The following LRP1B variants were observed in gnomAD, a reference collection of about 807,000 sequenced individuals.
The protein encoded by LRP1B is low-density lipoprotein receptor-related protein 1B.
In LRP1B, 217 loss-of-function variants were observed where a neutral mutation model predicts 556.6. That is an observed-to-expected ratio of 0.39 (90% CI 0.35 to 0.44). The LOEUF (loss-of-function observed/expected upper bound fraction) is 0.44. Among genes scored for constraint, LRP1B ranks in the 20% least tolerant of loss-of-function variants. The pLI, the probability that LRP1B is intolerant of heterozygous loss-of-function variation, is 1.00. For synonymous variants in LRP1B, 2,047 were observed against 1,865.8 expected (o/e 1.10, Z -2.50); for missense variants, 5,053 against 5,620.8 (o/e 0.90, Z 3.23).
At chr2:141,125,877 A>T (rs1184067301) in intron 7 of LRP1B, among the ~76,000 whole-genome samples, 1 of 145,178 alleles carries the variant, frequency 6.9e-6, no homozygotes, top group Admixed American at 7.0e-5. Context: ...AACCTCCACT[A>T]AGCCTTTTAA....
At chr2:141,084,273 T>C (rs1699993555) in intron 7 of LRP1B, among the ~76,000 whole-genome samples, 1 of 152,212 alleles carries the variant, frequency 6.6e-6, no homozygotes, top group African/African-American at 2.4e-5. Flanking sequence ...AAAATGATTG[T>C]ACCTTTTGAT....
At chr2:140,312,491 G>A (rs578174502) in intron 83 of LRP1B, among the ~76,000 whole-genome samples, 3 of 151,988 alleles carry the variant, frequency 2.0e-5, no homozygotes, top group African/African-American at 7.2e-5. Flanking sequence ...TAAAAGTAAA[G>A]ATTAAGTGTA....
At chr2:141,142,995 C>A (rs766095721) in intron 7 of LRP1B, among the ~76,000 whole-genome samples, 6 of 140,730 alleles carry the variant, frequency 4.3e-5, no homozygotes, top group Middle Eastern at 4.1e-3. Flanking sequence ...ATGGCGCGAT[C>A]TCGGCTCACT....
chr2:140,736,541 T>C (rs1687952088), intron 35 of LRP1B, among the ~76,000 whole-genome samples: 1 of 151,984 alleles, frequency 6.6e-6, no homozygotes, highest in African/African-American at 2.4e-5. Flanking sequence ...TATAGACCAA[T>C]GGAATAGAAC....
At chr2:141,474,045 T>C (rs879747783) in intron 3 of LRP1B, among the ~76,000 whole-genome samples, 47,886 of 109,730 alleles carry the variant, frequency 0.44, 9,626 homozygotes, top group Non-Finnish European at 0.48. Context: ...CCTTCCTTCC[T>C]TTCCTTCCTT....
At chr2:141,041,717 C>T (rs1698705565) in intron 11 of LRP1B, among the ~76,000 whole-genome samples, 1 of 152,044 alleles carries the variant, frequency 6.6e-6, no homozygotes, top group Non-Finnish European at 1.5e-5. Context: ...GTTTTCAAAA[C>T]ATTACAAAGA....
At chr2:141,835,354 T>C (rs1697243527) in intron 1 of LRP1B, among the ~76,000 whole-genome samples, 1 of 151,958 alleles carries the variant, frequency 6.6e-6, no homozygotes, top group African/African-American at 2.4e-5. Flanking sequence ...CCCGAATCAG[T>C]TCCACTATCA....
intron 2 of LRP1B, among the ~76,000 whole-genome samples, chr2:141,651,015 AT>A (rs1689768244): frequency 6.6e-6 from 1 of 152,228 alleles, no homozygotes; most frequent in Admixed American, 6.5e-5. Context: ...TTTAAATAAT[AT>A]TAATCGTTCA....
At chr2:141,539,091 A>G (rs897381783) in intron 2 of LRP1B, among the ~76,000 whole-genome samples, 3 of 152,172 alleles carry the variant, frequency 2.0e-5, no homozygotes, top group Non-Finnish European at 4.4e-5. Context: ...AATTTCATCA[A>G]ATCAGCTGAC....
chr2:141,844,693 G>A (rs1697584892), intron 1 of LRP1B, among the ~76,000 whole-genome samples: 2 of 151,992 alleles, frequency 1.3e-5, no homozygotes, highest in South Asian at 4.1e-4. Flanking sequence ...AGAACATTTT[G>A]TGTTCAAATA....
At position 140,378,160 on chromosome 2, in the gene LRP1B, G is replaced by C. The variant is rs2105182646; in HGVS notation, c.10638+20C>G. On this transcript the variant is annotated intron_variant, in intron 68 of 90. Coordinates refer to ENST00000389484, the MANE Select transcript of LRP1B (RefSeq NM_018557.3). ...GGTTCTAAAGCGCTGCTTTCTTTTT[G>C]ATTTTACAAAGATGCCTACCTCATC... The C allele has an allele frequency of 6.5e-7, 1 of 1,535,710 alleles. No individual in the cohort carries two copies. The highest frequency in any genetic ancestry group is 9.0e-7 in the Non-Finnish European group (1 of 1,116,592).
chr2:141,357,806 G>T (rs1688680400), intron 3 of LRP1B, among the ~76,000 whole-genome samples: 1 of 151,954 alleles, frequency 6.6e-6, no homozygotes. Context: ...TATATTTTTT[G>T]GTTCATTAAT....
At chr2:142,074,238 A>C (rs1289267263) in intron 1 of LRP1B, among the ~76,000 whole-genome samples, 1 of 151,994 alleles carries the variant, frequency 6.6e-6, no homozygotes, top group Non-Finnish European at 1.5e-5. Flanking sequence ...AATACTGGCA[A>C]GTTTTATTAC....
In LRP1B at chr2:141,681,161, C is replaced by T. The variant is rs1167873903; in HGVS notation, c.205+129118G>A. Among the ~76,000 whole-genome samples the T allele has an allele frequency of 2.0e-5, 3 of 152,018 alleles. No homozygotes were observed. The East Asian group carries it at 5.8e-4, about 30-fold the overall frequency. On this transcript the variant is annotated intron_variant, in intron 2 of 90. Transcript: ENST00000389484. Reference sequence around the variant, plus strand: ...ACAAAAAGTTATCCAGGTGTGGTGGCATTCGCCTATAGTCCCAGCTCCTTG... The same window carrying T: ...ACAAAAAGTTATCCAGGTGTGGTGGTATTCGCCTATAGTCCCAGCTCCTTG...
intron 53 of LRP1B, among the ~76,000 whole-genome samples, chr2:140,505,096 G>C (rs1278085350): frequency 6.6e-6 from 1 of 151,860 alleles, no homozygotes; most frequent in African/African-American, 2.4e-5. Flanking sequence ...GCTATTCCTC[G>C]ACCATCTCAA....
intron 2 of LRP1B, among the ~76,000 whole-genome samples, chr2:141,644,740 C>CACAA (rs982401300): frequency 1.4e-5 from 2 of 148,044 alleles, no homozygotes; most frequent in Non-Finnish European, 3.0e-5. Flanking sequence ...CACACACACA[C>CACAA]ACACACACAC....
At chr2:141,879,572 C>G (rs549018819) in intron 1 of LRP1B, among the ~76,000 whole-genome samples, 8 of 151,828 alleles carry the variant, frequency 5.3e-5, no homozygotes, top group African/African-American at 1.9e-4. Context: ...GTCACAGAAA[C>G]TTTCAATAGA....
chr2:140,892,297 A>T (rs1414022526), intron 23 of LRP1B, among the ~76,000 whole-genome samples: 1 of 152,126 alleles, frequency 6.6e-6, no homozygotes, highest in Admixed American at 6.6e-5. Flanking sequence ...GATGAAGTTC[A>T]TAGATGGGTG....
intron 2 of LRP1B, among the ~76,000 whole-genome samples, chr2:141,731,368 C>G (rs1273064133): frequency 6.6e-6 from 1 of 152,078 alleles, no homozygotes; most frequent in South Asian, 2.1e-4. Context: ...TGGCTTAGGC[C>G]CTGTCTGAGA....
Sources: allele counts gnomAD v4.1 joint callset (sites outside exome capture counted in the v4.1 genomes callset), GRCh38; gene constraint gnomAD v4.1.1; transcripts MANE v1.5; gene names NCBI Gene and HGNC (gene_info 2026-07-23, HGNC 2026-07-21).